BTLA: variants seen among roughly 807,000 people sequenced by gnomAD.
BTLA encodes B and T lymphocyte associated, also known as B- and T-lymphocyte attenuator.
A neutral mutation model predicts 25.0 loss-of-function variants in BTLA; 11 were observed. The ratio of observed to expected loss-of-function variants is 0.44; its 90% CI spans 0.28 to 0.73. The LOEUF (loss-of-function observed/expected upper bound fraction) is 0.73, where lower values mean the gene tolerates loss of function less well. Ranked by LOEUF, BTLA falls within the 30% of genes least tolerant of loss-of-function variation. The pLI is 0.15. For synonymous variants in BTLA, 104 were observed against 119.8 expected, an observed-to-expected ratio of 0.87 and a Z score of 0.86; for missense variants, 282 against 332.8, an observed-to-expected ratio of 0.85 and a Z score of 1.19.
At chr3:112,499,224 G>T in intron 1 of BTLA, 47 bp downstream of exon 1, 1 of 1,351,436 alleles carries the variant, frequency 7.4e-7, no homozygotes, top group Non-Finnish European at 1.1e-6. Context: ...TTGCCTCCAA[G>T]ACCCCCTGAG....
At chr3:112,498,180 A>G (rs1165583226) in intron 1 of BTLA, among the ~76,000 whole-genome samples, 2 of 152,116 alleles carry the variant, frequency 1.3e-5, no homozygotes, top group African/African-American at 4.8e-5. Flanking sequence ...AGTGCAGTAG[A>G]GTGTTGCAGT....
At chr3:112,480,682 A>T (rs1005926162) in intron 1 of BTLA, among the ~76,000 whole-genome samples, 1 of 152,210 alleles carries the variant, frequency 6.6e-6, no homozygotes. Context: ...CAATAAGGGC[A>T]TTAATACATT....
chr3:112,484,608 T>C (rs2082336480), intron 1 of BTLA, among the ~76,000 whole-genome samples: 1 of 152,228 alleles, frequency 6.6e-6, no homozygotes, highest in South Asian at 2.1e-4. Flanking sequence ...TCACAATATA[T>C]TACCTTTCTA....
At chr3:112,468,026 G>C (rs1024183315) in intron 4 of BTLA, among the ~76,000 whole-genome samples, 2 of 152,188 alleles carry the variant, frequency 1.3e-5, no homozygotes, top group African/African-American at 4.8e-5. Flanking sequence ...GTGGCACCCC[G>C]TCAAAGTGGC....
At chr3:112,467,718 G>A (rs1297658723) in intron 4 of BTLA, among the ~76,000 whole-genome samples, 2 of 152,188 alleles carry the variant, frequency 1.3e-5, no homozygotes, top group East Asian at 3.8e-4. Flanking sequence ...ATAACAGTAA[G>A]GCTGAGCGAC....
chr3:112,479,361 G>T, intron 2 of BTLA, 94 bp downstream of exon 2: 1 of 1,201,312 alleles, frequency 8.3e-7, no homozygotes, highest in Non-Finnish European at 1.2e-6. Flanking sequence ...TATAGGAGTT[G>T]GCTTTCTAAC....
chr3:112,491,111 G>A (rs987046179), intron 1 of BTLA, among the ~76,000 whole-genome samples: 23 of 152,076 alleles, frequency 1.5e-4, no homozygotes, highest in African/African-American at 4.8e-4. Context: ...CCGACATTTA[G>A]CAAAGCTTAC....
Position 112,499,188 on chromosome 3 carries a change from C to T in BTLA, c.88+83G>A, listed in dbSNP as rs571388215. Reference sequence around the variant, plus strand: ...TACCCACTTCGTATAAACGTTACACCGTACTAAGTTCAGCAAGGGAGAATG... The same window carrying T: ...TACCCACTTCGTATAAACGTTACACTGTACTAAGTTCAGCAAGGGAGAATG... On this transcript the variant is annotated intron_variant, in intron 1 of 4. Transcript: ENST00000334529. The T allele has an allele frequency of 9.3e-6, 9 of 969,300 alleles. 1 individual carries two copies. Among genetic ancestry groups the T allele is most frequent in the East Asian group, 4.8e-5 (2 of 41,690 alleles). The allele number at this position is 969,300 out of a possible 1,614,324, so 60.0% of individuals were successfully genotyped here. A position where few individuals can be genotyped will look rare whatever the true frequency, so the allele number is the denominator to read the frequency against.
intron 1 of BTLA, among the ~76,000 whole-genome samples, chr3:112,490,112 A>C (rs1473123804): frequency 6.6e-6 from 1 of 152,106 alleles, no homozygotes; most frequent in Non-Finnish European, 1.5e-5. Context: ...GCTCACATAC[A>C]CTCACAAAAT....
intron 1 of BTLA, among the ~76,000 whole-genome samples, chr3:112,491,953 A>G (rs542677250): frequency 6.6e-6 from 1 of 152,352 alleles, no homozygotes; most frequent in South Asian, 2.1e-4. Flanking sequence ...TTTATGTGGG[A>G]GAGGAAACTC....
At chr3:112,488,953 C>G (rs2082364847) in intron 1 of BTLA, among the ~76,000 whole-genome samples, 1 of 152,096 alleles carries the variant, frequency 6.6e-6, no homozygotes, top group Non-Finnish European at 1.5e-5. Flanking sequence ...GTTCATGTTT[C>G]TGTCTTCTAT....
chr3:112,478,509 G>A (rs918246586), intron 2 of BTLA, among the ~76,000 whole-genome samples: 1 of 151,980 alleles, frequency 6.6e-6, no homozygotes, highest in Non-Finnish European at 1.5e-5. Flanking sequence ...TCATGTATTA[G>A]CTTTAATAGT....
At chr3:112,467,043 C>T (rs373924318) in intron 4 of BTLA, among the ~76,000 whole-genome samples, 1 of 151,976 alleles carries the variant, frequency 6.6e-6, no homozygotes, top group Admixed American at 6.5e-5. Context: ...CCGCAAGCTC[C>T]GCCTCCCGGC....
At chr3:112,487,630 A>G (rs1238264125) in intron 1 of BTLA, among the ~76,000 whole-genome samples, 1 of 152,142 alleles carries the variant, frequency 6.6e-6, no homozygotes, top group Non-Finnish European at 1.5e-5. Flanking sequence ...TTTAAATTCA[A>G]TACAGACAAT....
At chr3:112,479,871 A>G in intron 1 of BTLA, 102 bp from the exon 2 acceptor site, 3 of 949,674 alleles carry the variant, frequency 3.2e-6, no homozygotes, top group Non-Finnish European at 4.6e-6. Flanking sequence ...ATTTTCAAAA[A>G]CAACCCCCCA....
chr3:112,485,053 AT>A (rs988560973), intron 1 of BTLA, among the ~76,000 whole-genome samples: 11 of 151,570 alleles, frequency 7.3e-5, no homozygotes, highest in African/African-American at 2.2e-4. Flanking sequence ...TAATTAATTT[AT>A]TTTTTTTGAG....
intron 2 of BTLA, among the ~76,000 whole-genome samples, chr3:112,477,139 A>C (rs1398124416): frequency 6.6e-6 from 1 of 152,176 alleles, no homozygotes; most frequent in Non-Finnish European, 1.5e-5. Flanking sequence ...TGTGATAAAC[A>C]TTCAGGAACA....
At chr3:112,490,604 AACACACACACACACACAC>A (rs55894234) in intron 1 of BTLA, among the ~76,000 whole-genome samples, 3 of 142,258 alleles carry the variant, frequency 2.1e-5, no homozygotes, top group African/African-American at 5.1e-5. Flanking sequence ...TCCCTGGGTA[AACACACACACACACACAC>A]ACACACACAC....
At chr3:112,477,505 T>C (rs1425208712) in intron 2 of BTLA, among the ~76,000 whole-genome samples, 1 of 152,112 alleles carries the variant, frequency 6.6e-6, no homozygotes, top group East Asian at 1.9e-4. Flanking sequence ...GAAATGTCTA[T>C]TCAAGTCCTT....
Sources: allele counts gnomAD v4.1 joint callset (sites outside exome capture counted in the v4.1 genomes callset), GRCh38; gene constraint gnomAD v4.1.1; transcripts MANE v1.5; gene names NCBI Gene and HGNC (gene_info 2026-07-23, HGNC 2026-07-21).